Variants in ARHGAP15 observed in about 807,000 individuals in gnomAD.
The protein encoded by ARHGAP15 is rho GTPase-activating protein 15.
Under a neutral mutation model 63.7 loss-of-function variants are expected in ARHGAP15, and 51 were observed. The ratio of observed to expected loss-of-function variants is 0.80; its 90% CI spans 0.64 to 1.01. The LOEUF is 1.01. Ranked by LOEUF, ARHGAP15 falls within the 50% of genes least tolerant of loss-of-function variation. ARHGAP15 has a pLI of 0.00. For missense variants in ARHGAP15, 560 were observed against 564.6 expected (o/e 0.99, Z 0.08); for synonymous variants, 191 against 193.8 (o/e 0.99, Z 0.12).
In ARHGAP15 at chr2:143,421,766, GTATA is replaced by G. The variant is rs59677710; in HGVS notation, c.475-13803_475-13800del. Among the ~76,000 whole-genome samples, 953 of 108,946 alleles carry G rather than the reference GTATA, an allele frequency of 8.7e-3. 9 individuals carry two copies. Among genetic ancestry groups the G allele is most frequent in the African/African-American group, 0.025 (733 of 28,984 alleles). The allele number at this position is 108,946 out of a possible 152,430, so 71.5% of individuals were successfully genotyped here. ...ATATAAATGAACATATGCACATGGT[GTATA>G]TATATATATATATATATATATATAT... is the stretch of plus-strand genomic sequence containing the variant. On this transcript the variant is annotated intron_variant, in intron 6 of 13. Transcript: ENST00000295095.
intron 13 of ARHGAP15, among the ~76,000 whole-genome samples, chr2:143,766,004 G>A (rs1428377909): frequency 6.6e-6 from 1 of 152,184 alleles, no homozygotes; most frequent in Non-Finnish European, 1.5e-5. Flanking sequence ...GCCACAGTAT[G>A]TGCCATGAGC....
chr2:143,339,535 T>G (rs1305199009), intron 6 of ARHGAP15, among the ~76,000 whole-genome samples: 1 of 152,166 alleles, frequency 6.6e-6, no homozygotes. Flanking sequence ...GATTATGTTA[T>G]ATTCCAGACA....
chr2:143,536,156 T>G (rs1435739995), intron 10 of ARHGAP15, among the ~76,000 whole-genome samples: 1 of 152,244 alleles, frequency 6.6e-6, no homozygotes, highest in Non-Finnish European at 1.5e-5. Flanking sequence ...TCCTTCTAGC[T>G]AATTATAATT....
intron 6 of ARHGAP15, among the ~76,000 whole-genome samples, chr2:143,348,377 G>A (rs528695089): frequency 1.3e-5 from 2 of 151,670 alleles, no homozygotes; most frequent in African/African-American, 4.8e-5. Flanking sequence ...TATTTTTTTC[G>A]AAAGTGCCTT....
intron 11 of ARHGAP15, among the ~76,000 whole-genome samples, chr2:143,622,198 C>A (rs1031352764): frequency 3.9e-5 from 6 of 152,144 alleles, no homozygotes; most frequent in African/African-American, 1.4e-4. Context: ...GAGATCTTAG[C>A]AGCAAAGTGC....
intron 10 of ARHGAP15, among the ~76,000 whole-genome samples, chr2:143,538,746 A>G (rs541686658): frequency 3.5e-4 from 53 of 152,228 alleles, no homozygotes; most frequent in South Asian, 2.5e-3. Flanking sequence ...GATCATGGTG[A>G]ATAAGCTTTT....
intron 6 of ARHGAP15, among the ~76,000 whole-genome samples, chr2:143,333,989 G>A (rs1684661953): frequency 1.3e-5 from 2 of 152,158 alleles, no homozygotes; most frequent in African/African-American, 2.4e-5. Context: ...ACTTGTTAAG[G>A]TTGATAAGTT....
chr2:143,559,389 A>G (rs2105093197), intron 11 of ARHGAP15, among the ~76,000 whole-genome samples: 1 of 152,320 alleles, frequency 6.6e-6, no homozygotes, highest in South Asian at 2.1e-4. Context: ...AAGGCTGGAC[A>G]GAGGCCTGAG....
chr2:143,685,471 G>A (rs1326291051), intron 12 of ARHGAP15, among the ~76,000 whole-genome samples: 2 of 152,188 alleles, frequency 1.3e-5, no homozygotes. Context: ...AATTACCTAT[G>A]ATAGAGGGCA....
intron 12 of ARHGAP15, among the ~76,000 whole-genome samples, chr2:143,633,895 C>T (rs1680171974): frequency 6.6e-6 from 1 of 152,102 alleles, no homozygotes; most frequent in Non-Finnish European, 1.5e-5. Context: ...GATGAGTCCT[C>T]TAAAATATCT....
intron 8 of ARHGAP15, among the ~76,000 whole-genome samples, chr2:143,455,169 C>T (rs753346669): frequency 1.3e-4 from 19 of 151,824 alleles, no homozygotes; most frequent in African/African-American, 4.1e-4. Flanking sequence ...TTTTTATTGT[C>T]GTTTCTTGAT....
chr2:143,369,936 T>C (rs1425816720), intron 6 of ARHGAP15, among the ~76,000 whole-genome samples: 2 of 152,206 alleles, frequency 1.3e-5, no homozygotes, highest in Non-Finnish European at 2.9e-5. Flanking sequence ...ATGTAAATCC[T>C]GAATTGGGAT....
intron 6 of ARHGAP15, among the ~76,000 whole-genome samples, chr2:143,364,533 ATAT>A (rs1300776859): frequency 6.6e-6 from 1 of 152,224 alleles, no homozygotes; most frequent in African/African-American, 2.4e-5. Context: ...TACAAGTATG[ATAT>A]TATAAGTACC....
At chr2:143,402,233 T>C (rs1688014724) in intron 6 of ARHGAP15, among the ~76,000 whole-genome samples, 1 of 151,858 alleles carries the variant, frequency 6.6e-6, no homozygotes, top group South Asian at 2.1e-4. Flanking sequence ...TATTTTTGCC[T>C]GCCATATAAT....
At chr2:143,379,137 A>G (rs1211106637) in intron 6 of ARHGAP15, among the ~76,000 whole-genome samples, 1 of 152,016 alleles carries the variant, frequency 6.6e-6, no homozygotes, top group Non-Finnish European at 1.5e-5. Flanking sequence ...ATGATTAATC[A>G]ATTGTCTCAA....
At position 143,239,811 on chromosome 2, in the gene ARHGAP15, A is replaced by G. The variant is rs542489236; in HGVS notation, c.385-10700A>G. On this transcript the variant is annotated intron_variant, in intron 5 of 13. Coordinates refer to ENST00000295095, the MANE Select transcript of ARHGAP15 (RefSeq NM_018460.4). ...TTTGAGACTAGCCTGTCCAACATGG[A>G]GAAACCCCATCTCTACTAAAAATAC... Among the ~76,000 whole-genome samples the G allele has an allele frequency of 2.0e-5, 3 of 151,838 alleles. No homozygotes were observed. The South Asian group carries it at 6.2e-4, about 32-fold the overall frequency.
At chr2:143,387,809 G>A (rs993643704) in intron 6 of ARHGAP15, among the ~76,000 whole-genome samples, 2 of 151,826 alleles carry the variant, frequency 1.3e-5, no homozygotes, top group Non-Finnish European at 2.9e-5. Context: ...ATCTGAAGGT[G>A]AAAGAATACA....
chr2:143,319,461 A>T (rs1284913235), intron 6 of ARHGAP15, among the ~76,000 whole-genome samples: 1 of 152,016 alleles, frequency 6.6e-6, no homozygotes, highest in African/African-American at 2.4e-5. Flanking sequence ...ACCTCAGGTG[A>T]TTCACCCGCT....
At chr2:143,420,453 C>T (rs1267409029) in intron 6 of ARHGAP15, among the ~76,000 whole-genome samples, 3 of 152,174 alleles carry the variant, frequency 2.0e-5, no homozygotes, top group African/African-American at 7.2e-5. Flanking sequence ...TGTGCCATCA[C>T]ATCATCTGGG....
Sources: gnomAD v4.1 joint callset for allele counts (sites outside exome capture counted in the v4.1 genomes callset) on GRCh38, gnomAD v4.1.1 for gene constraint, MANE v1.5 for transcripts, NCBI Gene and HGNC (gene_info 2026-07-23, HGNC 2026-07-21) for gene names.